Variants in COX7B2 observed in about 807,000 individuals in gnomAD.
COX7B2 encodes cytochrome c oxidase subunit 7B2, mitochondrial.
For synonymous variants in COX7B2, 37 were observed against 32.1 expected (o/e 1.15, Z -0.51); for missense variants, 109 against 95.9 (o/e 1.14, Z -0.57).
intron 2 of COX7B2, among the ~76,000 whole-genome samples, chr4:46,750,644 G>A (rs1032055088): frequency 6.6e-6 from 1 of 152,044 alleles, no homozygotes; most frequent in Non-Finnish European, 1.5e-5. Flanking sequence ...TCTTCAGTCT[G>A]CCTAGGCTGC....
chr4:46,804,340 G>A (rs993896203), intron 2 of COX7B2, among the ~76,000 whole-genome samples: 5 of 152,176 alleles, frequency 3.3e-5, no homozygotes, highest in Non-Finnish European at 7.3e-5. Context: ...TGCTGGCTCT[G>A]GCAGCCTGCT....
intron 2 of COX7B2, among the ~76,000 whole-genome samples, chr4:46,746,373 T>G (rs911302736): frequency 5.9e-5 from 9 of 152,324 alleles, no homozygotes; most frequent in African/African-American, 2.2e-4. Context: ...ATTATAAAAG[T>G]GGCACAAAGA....
intron 2 of COX7B2, among the ~76,000 whole-genome samples, chr4:46,810,251 T>C (rs563710530): frequency 6.6e-6 from 1 of 152,132 alleles, no homozygotes; most frequent in South Asian, 2.1e-4. Flanking sequence ...ATTGGTTGAA[T>C]GTGATCAATT....
intron 2 of COX7B2, among the ~76,000 whole-genome samples, chr4:46,844,055 G>T (rs1270190572): frequency 6.6e-6 from 1 of 151,814 alleles, no homozygotes; most frequent in Non-Finnish European, 1.5e-5. Flanking sequence ...CAACATTTGG[G>T]TTATTTAGTT....
At position 46,783,841 on chromosome 4, in the gene COX7B2, T is replaced by G. The variant is rs1339238954; in HGVS notation, c.-49-48600A>C. Among the ~76,000 whole-genome samples, 8 of 152,086 alleles carry G rather than the reference T, an allele frequency of 5.3e-5. No individual in the cohort carries two copies. In the East Asian group the frequency reaches 1.5e-3, roughly 29 times the overall value. Reference sequence around the variant, plus strand: ...TAACTGACTCACACAACTGGGAAAGTTGGGGGTGGTACCTGCATCACACAT... The same window carrying G: ...TAACTGACTCACACAACTGGGAAAGGTGGGGGTGGTACCTGCATCACACAT... On this transcript the variant is annotated intron_variant, in intron 2 of 2. Transcript: ENST00000355591.
At chr4:46,865,643 A>G (rs1363014117) in intron 1 of COX7B2, among the ~76,000 whole-genome samples, 1 of 152,084 alleles carries the variant, frequency 6.6e-6, no homozygotes, top group Non-Finnish European at 1.5e-5. Context: ...AGGCCACTCT[A>G]AGGTCCACCC....
intron 2 of COX7B2, among the ~76,000 whole-genome samples, chr4:46,772,238 TA>T (rs1304250228): frequency 3.9e-5 from 6 of 152,032 alleles, no homozygotes; most frequent in African/African-American, 1.4e-4. Flanking sequence ...ATATGGAACC[TA>T]AAAAAATCAA....
At position 46,798,235 on chromosome 4, in the gene COX7B2, G is replaced by A. The variant is rs115406808; in HGVS notation, c.-50+46725C>T. On this transcript the variant is annotated intron_variant, in intron 2 of 2. Coordinates refer to ENST00000355591, the MANE Select transcript of COX7B2 (RefSeq NM_130902.3). ...TTGAAATATCTCTTCAAAGGTGAAGGAAAAGTCATTGCAACTGGCCTCTCC... is the reference window on the plus strand; with the variant it reads ...TTGAAATATCTCTTCAAAGGTGAAGAAAAAGTCATTGCAACTGGCCTCTCC... 4.5e-3 allele frequency among the ~76,000 whole-genome samples: 678 copies of A among 152,292 alleles called. 1 individual carries two copies. The highest frequency in any genetic ancestry group is 0.01 in the Middle Eastern group (3 of 294).
At chr4:46,825,348 G>A (rs1577615805) in intron 2 of COX7B2, among the ~76,000 whole-genome samples, 2 of 152,008 alleles carry the variant, frequency 1.3e-5, no homozygotes, top group South Asian at 2.1e-4. Flanking sequence ...CCTCTACAAT[G>A]AAATTTACAA....
intron 1 of COX7B2, among the ~76,000 whole-genome samples, chr4:46,871,511 C>G (rs916643292): frequency 4.6e-5 from 7 of 151,840 alleles, no homozygotes; most frequent in South Asian, 2.1e-4. Context: ...AATTTAAAAC[C>G]TTCTGCACAG....
chr4:46,751,839 A>G (rs943110593), intron 2 of COX7B2, among the ~76,000 whole-genome samples: 1 of 152,082 alleles, frequency 6.6e-6, no homozygotes, highest in African/African-American at 2.4e-5. Flanking sequence ...TATAGTTTGA[A>G]GCCAGGTAGC....
intron 2 of COX7B2, among the ~76,000 whole-genome samples, chr4:46,820,852 T>TAG (rs1242246976): frequency 6.7e-6 from 1 of 148,152 alleles, no homozygotes; most frequent in Non-Finnish European, 1.5e-5. Flanking sequence ...TATATATATA[T>TAG]AGATAGATAG....
At chr4:46,746,114 A>C (rs1446229128) in intron 2 of COX7B2, among the ~76,000 whole-genome samples, 1 of 152,226 alleles carries the variant, frequency 6.6e-6, no homozygotes, top group Non-Finnish European at 1.5e-5. Context: ...TATCATATTC[A>C]TCAAATAAAA....
chr4:46,878,777 G>C (rs1466682070), intron 1 of COX7B2, among the ~76,000 whole-genome samples: 1 of 152,046 alleles, frequency 6.6e-6, no homozygotes, highest in Admixed American at 6.5e-5. Flanking sequence ...CAGAAACCTG[G>C]GAAGCTGGTG....
At chr4:46,872,158 C>A (rs796641072) in intron 1 of COX7B2, among the ~76,000 whole-genome samples, 3 of 152,116 alleles carry the variant, frequency 2.0e-5, no homozygotes, top group Non-Finnish European at 4.4e-5. Flanking sequence ...TTAATGAGAT[C>A]ATGTCTTTTG....
chr4:46,832,333 G>T (rs528829839), intron 2 of COX7B2, among the ~76,000 whole-genome samples: 1 of 151,994 alleles, frequency 6.6e-6, no homozygotes, highest in Non-Finnish European at 1.5e-5. Context: ...CAGACACGCC[G>T]CCTTTAAGAA....
intron 1 of COX7B2, among the ~76,000 whole-genome samples, chr4:46,866,221 C>G (rs1717654848): frequency 6.6e-6 from 1 of 152,130 alleles, no homozygotes; most frequent in South Asian, 2.1e-4. Context: ...CGGAAGTATC[C>G]CCCCTTCTGG....
chr4:46,758,113 T>C (rs973703520), intron 2 of COX7B2, among the ~76,000 whole-genome samples: 2 of 152,046 alleles, frequency 1.3e-5, no homozygotes, highest in Admixed American at 6.6e-5. Context: ...TTTCATTCTA[T>C]AAGTATTCTA....
chr4:46,840,481 TGA>T, intron 2 of COX7B2, among the ~76,000 whole-genome samples: 1 of 152,054 alleles, frequency 6.6e-6, no homozygotes, highest in East Asian at 1.9e-4. Context: ...ACATGAGTGC[TGA>T]GAGAGAGTCA....
Sources: allele counts gnomAD v4.1 joint callset (sites outside exome capture counted in the v4.1 genomes callset), GRCh38; gene constraint gnomAD v4.1.1; transcripts MANE v1.5; gene names NCBI Gene and HGNC (gene_info 2026-07-23, HGNC 2026-07-21).